Variants in FRY observed in about 807,000 individuals in gnomAD.
FRY encodes protein furry homolog.
Under a neutral mutation model 348.4 loss-of-function variants are expected in FRY, and 128 were observed. That is an observed-to-expected ratio of 0.37 (90% CI 0.32 to 0.43). The LOEUF (loss-of-function observed/expected upper bound fraction) is 0.43, where lower values mean the gene tolerates loss of function less well. Ranked by LOEUF, FRY falls within the 20% of genes least tolerant of loss-of-function variation. The pLI is 1.00. For missense variants in FRY, 2,736 were observed against 3,695.2 expected, an observed-to-expected ratio of 0.74 and a Z score of 6.73; for synonymous variants, 1,370 against 1,374.7, an observed-to-expected ratio of 1.00 and a Z score of 0.08.
At chr13:32,265,995 C>T (rs1429111646) in intron 54 of FRY, among the ~76,000 whole-genome samples, 1 of 152,046 alleles carries the variant, frequency 6.6e-6, no homozygotes, top group Non-Finnish European at 1.5e-5. Context: ...ATAGGAAATA[C>T]CTACTCTTTA....
At chr13:32,179,385 A>G (rs1255208112) in intron 22 of FRY, among the ~76,000 whole-genome samples, 2 of 152,192 alleles carry the variant, frequency 1.3e-5, no homozygotes, top group African/African-American at 4.8e-5. Context: ...TAAATAAATT[A>G]TCTTGTTAAA....
At chr13:32,158,390 C>T (rs1053292107) in intron 16 of FRY, among the ~76,000 whole-genome samples, 2 of 152,152 alleles carry the variant, frequency 1.3e-5, no homozygotes, top group Non-Finnish European at 2.9e-5. Flanking sequence ...TGCATATTAT[C>T]CTGCAGCTCA....
chr13:32,212,104 G>A (rs991718649), intron 34 of FRY, among the ~76,000 whole-genome samples, 188 bp from the exon 35 acceptor site: 3 of 152,200 alleles, frequency 2.0e-5, no homozygotes, highest in Middle Eastern at 3.2e-3. Context: ...AGATGTCTAC[G>A]ATTCTCTCAT....
At position 32,228,463 on chromosome 13, in the gene FRY, T is replaced by C. The variant is rs755336791; in HGVS notation, c.5214T>C (p.Phe1738=). The C allele has an allele frequency of 6.2e-7, 1 of 1,612,232 alleles. No individual in the cohort carries two copies. The highest frequency in any genetic ancestry group is 1.1e-5 in the South Asian group (1 of 90,994). Residue 1738 remains phenylalanine (F), a synonymous_variant, in exon 40 of 61, where the codon TTT becomes TTC. Coordinates refer to ENST00000542859, the MANE Select transcript of FRY (RefSeq NM_023037.3). The part of the protein sequence containing the change: ...YQPEYLYTGG[F]DFLREDQSSP... ...ACCTTCTTCTCCCACCAGGTGGCTTTGACTTCCTGAGAGAGGACCAGTCAT... is the reference window on the plus strand; with the variant it reads ...ACCTTCTTCTCCCACCAGGTGGCTTCGACTTCCTGAGAGAGGACCAGTCAT...
Position 32,159,238 on chromosome 13 carries a change from T to TA in FRY, c.1784+1845dup, listed in dbSNP as rs564951363. Among the ~76,000 whole-genome samples the TA allele has an allele frequency of 3.3e-3, 486 of 145,704 alleles. 3 individuals carry two copies. The highest frequency in any genetic ancestry group is 5.5e-3 in the Admixed American group (80 of 14,534). On this transcript the variant is annotated intron_variant, in intron 16 of 60. Transcript: ENST00000542859. ...CTAAATAACTCATTGCATCATTTCT[T>TA]AAAAAAAAAAAATAAGGAAGAAGAG...
chr13:32,043,100 G>A (rs1872826757), intron 1 of FRY, among the ~76,000 whole-genome samples: 1 of 152,194 alleles, frequency 6.6e-6, no homozygotes, highest in South Asian at 2.1e-4. Context: ...ATGGAGGAAG[G>A]TGAAAGGCAC....
intron 47 of FRY, among the ~76,000 whole-genome samples, chr13:32,246,412 G>T (rs1886801863): frequency 6.6e-6 from 1 of 152,216 alleles, no homozygotes; most frequent in Non-Finnish European, 1.5e-5. Flanking sequence ...TGAAGAGTAG[G>T]AATTTGACAT....
At chr13:32,123,129 T>C (rs1391041211) in intron 4 of FRY, among the ~76,000 whole-genome samples, 3 of 152,150 alleles carry the variant, frequency 2.0e-5, no homozygotes, top group South Asian at 2.1e-4. Flanking sequence ...AGCAATCTAC[T>C]AATTCAATGC....
In FRY at chr13:32,211,202, A is replaced by AT. The variant is rs1884664265; in HGVS notation, c.4591+168_4591+169insT. Among the ~76,000 whole-genome samples, 4 of 152,342 alleles carry AT rather than the reference A, an allele frequency of 2.6e-5. No homozygotes were observed. The South Asian group carries it at 8.3e-4, about 32-fold the overall frequency. ...ACTGAGACATGGGCTGGGCGTGGTG[A>AT]CTCACGCCTGTAATCCCAGCACTTT... On this transcript the variant is annotated intron_variant, in intron 34 of 60. Coordinates refer to ENST00000542859, the MANE Select transcript of FRY (RefSeq NM_023037.3).
intron 28 of FRY, among the ~76,000 whole-genome samples, chr13:32,189,886 A>G (rs746100897): frequency 3.3e-5 from 5 of 152,086 alleles, no homozygotes; most frequent in Non-Finnish European, 5.9e-5. Flanking sequence ...TCTCTAATAC[A>G]TAGATACAAA....
intron 3 of FRY, among the ~76,000 whole-genome samples, chr13:32,113,522 A>G (rs1255510894): frequency 6.6e-6 from 1 of 152,220 alleles, no homozygotes; most frequent in East Asian, 1.9e-4. Flanking sequence ...GTATCCCCCC[A>G]AAAAAGAAAA....
intron 1 of FRY, chr13:32,061,092 T>G (rs1030583652): frequency 1.9e-6 from 1 of 533,046 alleles, no homozygotes; most frequent in African/African-American, 1.9e-5. Context: ...TTTGGGTTTC[T>G]TTTCAGGCTC....
At chr13:32,202,943 T>TCTGC (rs1382306517) in intron 31 of FRY, among the ~76,000 whole-genome samples, 1 of 105,716 alleles carries the variant, frequency 9.5e-6, no homozygotes, top group African/African-American at 3.6e-5. Context: ...AGTGAGACAG[T>TCTGC]CTCAAAAAAA....
intron 10 of FRY, among the ~76,000 whole-genome samples, chr13:32,136,210 T>C (rs1286904585): frequency 1.3e-5 from 2 of 152,170 alleles, no homozygotes; most frequent in Non-Finnish European, 2.9e-5. Flanking sequence ...GCATGTATGA[T>C]TTTTTTCGGT....
intron 31 of FRY, among the ~76,000 whole-genome samples, 171 bp from the exon 32 acceptor site, chr13:32,208,682 A>G (rs1388878709): frequency 6.6e-6 from 1 of 152,210 alleles, no homozygotes; most frequent in African/African-American, 2.4e-5. Flanking sequence ...TGGAGCAACA[A>G]GCTTGCAGAC....
chr13:32,236,500 T>C (rs753167764), intron 43 of FRY, among the ~76,000 whole-genome samples: 1 of 152,172 alleles, frequency 6.6e-6, no homozygotes, highest in African/African-American at 2.4e-5. Flanking sequence ...AATTATCCTA[T>C]TTATTACATT....
intron 1 of FRY, among the ~76,000 whole-genome samples, chr13:32,068,607 G>T (rs975306451): frequency 2.0e-5 from 3 of 152,180 alleles, no homozygotes; most frequent in African/African-American, 7.2e-5. Context: ...ATACTGGAAG[G>T]CAGAGGAAGA....
Position 32,239,931 on chromosome 13 carries a change from A to G in FRY, c.6687+50A>G, listed in dbSNP as rs532634953. ...GAGACAGGGTCTCATTATGTTGCCCAGGCTGATCTCAACTCTTGGGCTCAA... is the reference window on the plus strand; with the variant it reads ...GAGACAGGGTCTCATTATGTTGCCCGGGCTGATCTCAACTCTTGGGCTCAA... On this transcript the variant is annotated intron_variant, in intron 46 of 60. Coordinates refer to ENST00000542859, the MANE Select transcript of FRY (RefSeq NM_023037.3). The surrounding 1 kb of genome is among the most constrained non-coding windows in gnomAD (Gnocchi z 4.3). 7.7e-5 allele frequency: 117 copies of G among 1,527,330 alleles called. No homozygotes were observed. Among genetic ancestry groups the G allele is most frequent in the Non-Finnish European group, 9.9e-5 (110 of 1,111,528 alleles). 94.6% of individuals were successfully genotyped at this position (1,527,330 alleles called of 1,614,324 possible). A position where few individuals can be genotyped will look rare whatever the true frequency, so the allele number is the denominator to read the frequency against.
intron 53 of FRY, among the ~76,000 whole-genome samples, chr13:32,264,821 C>A (rs1454780293): frequency 6.6e-6 from 1 of 152,190 alleles, no homozygotes; most frequent in Non-Finnish European, 1.5e-5. Flanking sequence ...CTTAGAGGAT[C>A]CCCTATATGG....
Sources: gnomAD v4.1 joint callset for allele counts (sites outside exome capture counted in the v4.1 genomes callset) on GRCh38, gnomAD v4.1.1 for gene constraint, Gnocchi (gnomAD v3.1) non-coding constraint, MANE v1.5 for transcripts, NCBI Gene and HGNC (gene_info 2026-07-23, HGNC 2026-07-21) for gene names.